The following SUPT4H1 variants were observed in gnomAD, a reference collection of about 807,000 sequenced individuals.
The protein encoded by SUPT4H1 is transcription elongation factor SPT4.
A neutral mutation model predicts 19.4 loss-of-function variants in SUPT4H1; 12 were observed. The observed-to-expected ratio is 0.62, with a 90% confidence interval of 0.40 to 1.00. The LOEUF (loss-of-function observed/expected upper bound fraction) is 1.00, where lower values mean the gene tolerates loss of function less well. Among genes scored for constraint, SUPT4H1 ranks in the 50% least tolerant of loss-of-function variants. The pLI is 0.00. For missense variants in SUPT4H1, 115 were observed against 149.2 expected (o/e 0.77, Z 1.19); for synonymous variants, 58 against 56.3 (o/e 1.03, Z -0.14).
rs33965188 is a variant in SUPT4H1, at chr17:58,346,718, C to CAAAA, written c.287-409_287-406dup. On this transcript the variant is annotated intron_variant, in intron 4 of 4. Coordinates refer to ENST00000225504, the MANE Select transcript of SUPT4H1 (RefSeq NM_003168.3). ...AGCCTGGGTGACAGAGACTCTGTCT[C>CAAAA]AAAAAAAAAAAAAAAAAAAAAGGTC... is the stretch of plus-strand genomic sequence containing the variant. 1.6e-3 allele frequency among the ~76,000 whole-genome samples: 116 copies of CAAAA among 71,634 alleles called. 4 individuals carry two copies. Among genetic ancestry groups the CAAAA allele is most frequent in the Admixed American group, 2.1e-3 (13 of 6,102 alleles). The allele number at this position is 71,634 out of a possible 152,430, so 47.0% of individuals were successfully genotyped here.
intron 2 of SUPT4H1, 151 bp downstream of exon 2, chr17:58,351,251 C>CA (rs565767343): frequency 0.054 from 19,726 of 363,520 alleles, 24 homozygotes; most frequent in South Asian, 0.064. Context: ...AACCCTGATT[C>CA]AAAAAAAAAA....
rs1451845414 is a variant in SUPT4H1, at chr17:58,346,188, C to A, written c.*58G>T. On this transcript the variant is annotated 3_prime_UTR_variant, in exon 5 of 5. Coordinates refer to ENST00000225504, the MANE Select transcript of SUPT4H1 (RefSeq NM_003168.3). ...AAGTTCTGTTCATTTAGTTCCAGAA[C>A]AAGAAATAAGCAGAGGCAGGAGGTG... The A allele has an allele frequency of 1.4e-5, 20 of 1,419,216 alleles. No individual in the cohort carries two copies. Among genetic ancestry groups the A allele is most frequent in the Non-Finnish European group, 1.9e-5 (19 of 1,003,672 alleles). 87.9% of individuals were successfully genotyped at this position (1,419,216 alleles called of 1,614,324 possible).
intron 4 of SUPT4H1, among the ~76,000 whole-genome samples, chr17:58,346,548 C>T (rs1193794464): frequency 1.3e-5 from 2 of 151,758 alleles, no homozygotes; most frequent in Non-Finnish European, 2.9e-5. Context: ...GAGCAAGGCC[C>T]CATCTCTACA....
chr17:58,347,075 C>T (rs1972318974), intron 4 of SUPT4H1, 113 bp downstream of exon 4: 1 of 1,048,452 alleles, frequency 9.5e-7, no homozygotes, highest in South Asian at 1.4e-5. Context: ...CTGGTTCCCC[C>T]CATCTGTAAA....
In SUPT4H1 at chr17:58,352,172, C is replaced by G. The variant is rs1313441389; in HGVS notation, c.-37G>C. The G allele has an allele frequency of 6.2e-7, 1 of 1,604,720 alleles. No individual in the cohort carries two copies. Among genetic ancestry groups the G allele is most frequent in the Non-Finnish European group, 8.5e-7 (1 of 1,171,876 alleles). ...GGAAGAACAACAGGGAGATAGACGA[C>G]CACAGCCTGTGCACCCGCAGGAAGT... On this transcript the variant is annotated 5_prime_UTR_variant, in exon 1 of 5. Coordinates refer to ENST00000225504, the MANE Select transcript of SUPT4H1 (RefSeq NM_003168.3).
At chr17:58,351,173 A>G (rs548425651) in intron 2 of SUPT4H1, among the ~76,000 whole-genome samples, 1 of 149,222 alleles carries the variant, frequency 6.7e-6, no homozygotes, top group African/African-American at 2.5e-5. Context: ...GGTTGAAGTC[A>G]GAGGATCATT....
rs1972243564 is a variant in SUPT4H1 at position 58,345,300 on chromosome 17, A to G, written c.*946T>C. ...ATCATTCTCTTTTTAGAGGGAGAAC[A>G]AGGAACTTAGGGAAATCAAAATGGG... is the stretch of plus-strand genomic sequence containing the variant. On this transcript the variant is annotated 3_prime_UTR_variant, in exon 5 of 5. Coordinates refer to ENST00000225504, the MANE Select transcript of SUPT4H1 (RefSeq NM_003168.3). 6.6e-6 allele frequency: 1 copy of G among 152,216 alleles called. No homozygotes were observed. The highest frequency in any genetic ancestry group is 1.5e-5 in the Non-Finnish European group (1 of 68,036). 9.4% of individuals were successfully genotyped at this position (152,216 alleles called of 1,614,324 possible).
intron 2 of SUPT4H1, among the ~76,000 whole-genome samples, chr17:58,350,120 T>C (rs1567866196): frequency 2.6e-5 from 4 of 151,910 alleles, no homozygotes; most frequent in East Asian, 3.9e-4. Context: ...CTGTCTCTAC[T>C]AAAAAAAGTA....
rs756476038 is a variant in SUPT4H1, at chr17:58,347,565, G to A, written c.196C>T (p.Pro66Ser). The change falls in exon 3 of 5, where the codon CCA becomes TCA. Residue 66 changes from proline to serine, a missense_variant. Transcript: ENST00000225504. ...SFDGIIAMMS[P>S]EDSWVSKWQR... ...CACTTGGAGACCCAGCTGTCCTCTG[G>A]ACTCATCATCGCAATGATTCTAGGG... 1.2e-6 allele frequency: 2 copies of A among 1,614,166 alleles called. No individual in the cohort carries two copies. Among genetic ancestry groups the A allele is most frequent in the East Asian group, 2.2e-5 (1 of 44,884 alleles).
intron 1 of SUPT4H1, 86 bp downstream of exon 1, chr17:58,351,981 C>T (rs754441115): frequency 1.4e-6 from 2 of 1,441,826 alleles, no homozygotes; most frequent in East Asian, 2.3e-5. Context: ...CTTAACTTTT[C>T]TCTTTACTGT....
At position 58,351,340 on chromosome 17, in the gene SUPT4H1, T is replaced by C. The variant is rs1972511024; in HGVS notation, c.176+62A>G. 3 of 1,208,464 alleles carry C rather than the reference T, an allele frequency of 2.5e-6. No individual in the cohort carries two copies. The South Asian group carries it at 3.9e-5, about 16-fold the overall frequency. The allele number at this position is 1,208,464 out of a possible 1,614,324, so 74.9% of individuals were successfully genotyped here. A position where few individuals can be genotyped will look rare whatever the true frequency, so the allele number is the denominator to read the frequency against. The stretch of plus-strand genomic sequence containing the variant: ...ACTAGGATTAACACTTGCCCTGCAT[T>C]TACTTCTCTGGGTGCAGGTTGGGTA... On this transcript the variant is annotated intron_variant, in intron 2 of 4. Coordinates refer to ENST00000225504, the MANE Select transcript of SUPT4H1 (RefSeq NM_003168.3).
intron 2 of SUPT4H1, among the ~76,000 whole-genome samples, chr17:58,348,584 T>C (rs912079963): frequency 5.3e-5 from 8 of 152,208 alleles, no homozygotes; most frequent in African/African-American, 1.7e-4. Context: ...ATCTATCTTT[T>C]TAGCCTTAGG....
rs1308882731 is a variant in SUPT4H1, at chr17:58,352,144, A to C, written c.-9T>G. On this transcript the variant is annotated 5_prime_UTR_variant, in exon 1 of 5. Transcript: ENST00000225504. ...ACCGTCTCCAGGGCCATCTTCGCCG[A>C]TGGGAAGAACAACAGGGAGATAGAC... 1.2e-6 allele frequency: 2 copies of C among 1,613,938 alleles called. No homozygotes were observed. Among genetic ancestry groups the C allele is most frequent in the African/African-American group, 2.7e-5 (2 of 74,926 alleles).
At chr17:58,347,290 C>T (rs1972327754) in intron 3 of SUPT4H1, 49 bp from the exon 4 acceptor site, 1 of 1,596,368 alleles carries the variant, frequency 6.3e-7, no homozygotes. Context: ...TTAGTTAAGA[C>T]TCAAGATCAA....
At chr17:58,352,029 T>G in intron 1 of SUPT4H1, 38 bp downstream of exon 1, 1 of 1,610,744 alleles carries the variant, frequency 6.2e-7, no homozygotes, top group Non-Finnish European at 8.5e-7. Flanking sequence ...CCGACCTTGG[T>G]CCCCCATGGG....
intron 2 of SUPT4H1, 146 bp downstream of exon 2, chr17:58,351,256 A>C: frequency 2.4e-6 from 1 of 423,822 alleles, no homozygotes; most frequent in South Asian, 3.4e-5. Context: ...TGATTCAAAA[A>C]AAAAAAAAAA....
intron 3 of SUPT4H1, 49 bp from the exon 4 acceptor site, chr17:58,347,290 C>A: frequency 6.3e-7 from 1 of 1,596,486 alleles, no homozygotes; most frequent in East Asian, 2.2e-5. Flanking sequence ...TTAGTTAAGA[C>A]TCAAGATCAA....
At chr17:58,350,286 G>A (rs1376031910) in intron 2 of SUPT4H1, among the ~76,000 whole-genome samples, 1 of 151,642 alleles carries the variant, frequency 6.6e-6, no homozygotes, top group African/African-American at 2.4e-5. Flanking sequence ...GGCCGAGGCG[G>A]GTGGATCACG....
At chr17:58,347,464 C>G in intron 3 of SUPT4H1, 65 bp downstream of exon 3, 1 of 1,587,744 alleles carries the variant, frequency 6.3e-7, no homozygotes, top group Non-Finnish European at 8.7e-7. Flanking sequence ...TTGAGACTCC[C>G]TAATGGACCT....
Sources: gnomAD v4.1 joint callset for allele counts (sites outside exome capture counted in the v4.1 genomes callset) on GRCh38, gnomAD v4.1.1 for gene constraint, MANE v1.5 for transcripts, NCBI Gene and HGNC (gene_info 2026-07-23, HGNC 2026-07-21) for gene names.